Variants in GLB1L3 observed in about 807,000 individuals in gnomAD.
GLB1L3 encodes beta-galactosidase-1-like protein 3.
A neutral mutation model predicts 89.5 loss-of-function variants in GLB1L3; 89 were observed. The observed-to-expected ratio is 0.99, with a 90% CI of 0.84 to 1.19. The LOEUF is 1.19. Among genes scored for constraint, GLB1L3 ranks in the 50% most tolerant of loss-of-function variants. GLB1L3 has a pLI of 0.00. For synonymous variants in GLB1L3, 314 were observed against 312.3 expected (o/e 1.01, Z -0.06); for missense variants, 812 against 813.3 (o/e 1.00, Z 0.02).
intron 18 of GLB1L3, 76 bp downstream of exon 18, chr11:134,314,517 G>A (rs776011147): frequency 7.9e-6 from 7 of 887,274 alleles, no homozygotes; most frequent in Admixed American, 2.1e-5. Flanking sequence ...CAAAGCCAGC[G>A]TTCCTGGAGG....
intron 9 of GLB1L3, among the ~76,000 whole-genome samples, chr11:134,295,332 G>A (rs1941574416): frequency 6.6e-6 from 1 of 152,172 alleles, no homozygotes; most frequent in Admixed American, 6.5e-5. Flanking sequence ...GTGAGTTGTA[G>A]TAATTTACAT....
At chr11:134,308,468 CACCAAAT>C (rs1363759915) in intron 10 of GLB1L3, among the ~76,000 whole-genome samples, 3 of 18,164 alleles carry the variant, frequency 1.7e-4, no homozygotes, top group Non-Finnish European at 3.1e-4. Context: ...CCACCACCAC[CACCAAAT>C]ACCACCACCA....
downstream of GLB1L3, among the ~76,000 whole-genome samples, chr11:134,320,393 A>T (rs370338799): frequency 6.6e-6 from 1 of 152,192 alleles, no homozygotes; most frequent in South Asian, 2.1e-4. Context: ...TATGAACTCT[A>T]TAGAAACTGC....
chr11:134,312,967 C>T, intron 15 of GLB1L3, 80 bp downstream of exon 15: 3 of 928,704 alleles, frequency 3.2e-6, no homozygotes, highest in Middle Eastern at 2.2e-4. Flanking sequence ...CAGTCAGCCT[C>T]CCTTCTCCAC....
At chr11:134,284,254 A>T (rs958542385) in intron 6 of GLB1L3, among the ~76,000 whole-genome samples, 12 of 151,990 alleles carry the variant, frequency 7.9e-5, no homozygotes, top group Admixed American at 7.2e-4. Flanking sequence ...GAGACAACCA[A>T]TTTTACTAGA....
chr11:134,297,043 G>C (rs1302887271), intron 9 of GLB1L3, among the ~76,000 whole-genome samples: 3 of 152,020 alleles, frequency 2.0e-5, no homozygotes, highest in East Asian at 3.9e-4. Context: ...ATCATAGATT[G>C]TTTATTTTTC....
Position 134,312,389 on chromosome 11 carries a change from C to T in GLB1L3, c.1328C>T (p.Pro443Leu). 1 of 1,613,844 alleles carries T rather than the reference C, an allele frequency of 6.2e-7. No individual in the cohort carries two copies. Among genetic ancestry groups the T allele is most frequent in the Non-Finnish European group, 8.5e-7 (1 of 1,179,888 alleles). The change falls in exon 14 of 20, where the codon CCC (proline) becomes CTC (leucine). Residue 443 changes from proline (P) to leucine (L), a missense_variant. Physicochemically the swap from Pro to Leu is moderately conservative, Grantham distance 98. This residue lies in a region of GLB1L3 where 618 missense variants were observed against 604.0 expected (regional missense o/e 1.02). Transcript: ENST00000431683. ...SRQPVNMENL[P>L]INNGSGQSYG... is the part of the protein sequence containing the mutation. ...CAGCCCGTCAACATGGAGAACCTTCCCATAAACAATGGGAGCGGCCAGTCC... is the reference window on the plus strand; with the variant it reads ...CAGCCCGTCAACATGGAGAACCTTCTCATAAACAATGGGAGCGGCCAGTCC...
At chr11:134,308,601 C>CTAT (rs1942535125) in intron 10 of GLB1L3, among the ~76,000 whole-genome samples, 1 of 140,022 alleles carries the variant, frequency 7.1e-6, no homozygotes, top group Non-Finnish European at 1.6e-5. Flanking sequence ...ACCATCACCT[C>CTAT]CACCACCACC....
intron 9 of GLB1L3, among the ~76,000 whole-genome samples, chr11:134,301,688 T>G (rs1351435407): frequency 6.6e-6 from 1 of 152,142 alleles, no homozygotes; most frequent in Non-Finnish European, 1.5e-5. Context: ...TTTCTTGAGG[T>G]GGGTAATTAG....
chr11:134,276,562 G>T lies in GLB1L3; in HGVS notation c.-179G>T. 2.1e-6 allele frequency: 1 copy of T among 477,530 alleles called. No homozygotes were observed. The highest frequency in any genetic ancestry group is 9.0e-5 in the South Asian group (1 of 11,114). 29.6% of individuals were successfully genotyped at this position (477,530 alleles called of 1,614,324 possible). On this transcript the variant is annotated 5_prime_UTR_variant, in exon 1 of 20. Coordinates refer to ENST00000431683, the MANE Select transcript of GLB1L3 (RefSeq NM_001080407.3). ...GGGAGGGAGCCCGACGCGCATCCTT[G>T]GGACCCGGACCCGGCGCCCGCGCCT...
intron 9 of GLB1L3, among the ~76,000 whole-genome samples, chr11:134,297,522 C>G (rs972989907): frequency 2.6e-5 from 4 of 151,778 alleles, no homozygotes; most frequent in African/African-American, 9.7e-5. Flanking sequence ...GTTCTGTAGA[C>G]TTATTACTTA....
At chr11:134,308,157 ACACCACCACCAGCAC>A (rs1942291811) in intron 10 of GLB1L3, among the ~76,000 whole-genome samples, 1 of 79,928 alleles carries the variant, frequency 1.3e-5, no homozygotes, top group Non-Finnish European at 2.6e-5. Flanking sequence ...ATCATCACCA[ACACCACCACCAGCAC>A]CACCACCATC....
chr11:134,310,920 T>TA, intron 12 of GLB1L3, 144 bp from the exon 13 acceptor site: 1 of 683,334 alleles, frequency 1.5e-6, no homozygotes, highest in Middle Eastern at 2.8e-4. Flanking sequence ...AAGATTGAGT[T>TA]ACTCTTTGTA....
intron 3 of GLB1L3, among the ~76,000 whole-genome samples, chr11:134,278,141 A>C (rs1191311408): frequency 2.0e-5 from 3 of 152,108 alleles, no homozygotes; most frequent in Non-Finnish European, 2.9e-5. Context: ...TCAAGGGAGG[A>C]GGTTATTTCC....
At position 134,283,775 on chromosome 11, in the gene GLB1L3, CCAA is replaced by C; in HGVS notation, c.570_572del (p.Asn190del). On this transcript the variant is annotated inframe_deletion, in exon 6 of 20. Coordinates refer to ENST00000431683, the MANE Select transcript of GLB1L3 (RefSeq NM_001080407.3). ...GACCCCCGGTTACTGTTGAGGACAA[CCAA>C]CAAGAGCTTCATTGAAGCAGTTGAG... 1 of 1,612,962 alleles carries C rather than the reference CCAA, an allele frequency of 6.2e-7. No individual in the cohort carries two copies. The highest frequency in any genetic ancestry group is 8.5e-7 in the Non-Finnish European group (1 of 1,179,480).
chr11:134,309,870 C>T, intron 11 of GLB1L3, 107 bp downstream of exon 11: 1 of 1,244,072 alleles, frequency 8.0e-7, no homozygotes. Flanking sequence ...GACCTATAAT[C>T]TATGCTGAGT....
chr11:134,315,302 T>C (rs1318571460), intron 18 of GLB1L3, among the ~76,000 whole-genome samples: 1 of 152,226 alleles, frequency 6.6e-6, no homozygotes, highest in African/African-American at 2.4e-5. Context: ...CGTTTGTGTT[T>C]ATGTTCATAA....
chr11:134,313,784 A>G (rs1488340407), intron 16 of GLB1L3, among the ~76,000 whole-genome samples, 157 bp from the exon 17 acceptor site: 1 of 152,248 alleles, frequency 6.6e-6, no homozygotes, highest in East Asian at 1.9e-4. Flanking sequence ...ACATACAGCT[A>G]GAACCCTTCA....
rs1338587925 is a variant in GLB1L3, at chr11:134,318,724, T to C, written c.1873T>C (p.Trp625Arg). 2 of 1,611,382 alleles carry C rather than the reference T, an allele frequency of 1.2e-6. No homozygotes were observed. The highest frequency in any genetic ancestry group is 1.7e-6 in the Non-Finnish European group (2 of 1,178,094). The change falls in exon 19 of 20, where the codon TGG becomes CGG. Residue 625 changes from tryptophan (W) to arginine (R), a missense_variant. Transcript: ENST00000431683. ...PQKTLYLPGV[W>R]LHPEDNEVIL... The stretch of plus-strand genomic sequence containing the variant: ...GAAAACACTGTACCTTCCTGGAGTT[T>C]GGCTTCATCCAGAAGACAATGAGGT...
Sources: allele counts gnomAD v4.1 joint callset (sites outside exome capture counted in the v4.1 genomes callset), GRCh38; gene constraint gnomAD v4.1.1; regional missense constraint gnomAD v4.1.1; transcripts MANE v1.5; gene names NCBI Gene and HGNC (gene_info 2026-07-23, HGNC 2026-07-21).